The following SLC24A3 variants were observed in gnomAD, a reference collection of about 807,000 sequenced individuals.
SLC24A3 encodes the protein solute carrier family 24 member 3, also known as sodium/potassium/calcium exchanger 3.
Under a neutral mutation model 75.8 loss-of-function variants are expected in SLC24A3, and 28 were observed. The observed-to-expected ratio is 0.37, with a 90% CI of 0.27 to 0.51. The LOEUF (loss-of-function observed/expected upper bound fraction) is 0.51, where lower values mean the gene tolerates loss of function less well. Among genes scored for constraint, SLC24A3 ranks in the 20% least tolerant of loss-of-function variants. SLC24A3 has a pLI of 0.94. For synonymous variants in SLC24A3, 372 were observed against 334.1 expected (o/e 1.11, Z -1.24); for missense variants, 663 against 847.8 (o/e 0.78, Z 2.71).
intron 2 of SLC24A3, among the ~76,000 whole-genome samples, chr20:19,369,393 G>T (rs183942553): frequency 1.3e-5 from 2 of 152,284 alleles, no homozygotes; most frequent in East Asian, 3.9e-4. Flanking sequence ...AATGTCAAGG[G>T]CATGAAAGAC....
At chr20:19,573,402 A>G (rs1211171378) in intron 3 of SLC24A3, among the ~76,000 whole-genome samples, 1 of 152,228 alleles carries the variant, frequency 6.6e-6, no homozygotes, top group East Asian at 1.9e-4. Context: ...ATTATTTCTC[A>G]GAATCCTGGG....
chr20:19,471,113 G>A (rs747950480), intron 2 of SLC24A3, among the ~76,000 whole-genome samples: 21 of 152,140 alleles, frequency 1.4e-4, no homozygotes, highest in Non-Finnish European at 2.5e-4. Flanking sequence ...GTATTTTGAC[G>A]TTTTGGGGTA....
intron 15 of SLC24A3, among the ~76,000 whole-genome samples, chr20:19,716,881 A>C (rs1482810764): frequency 6.6e-6 from 1 of 152,164 alleles, no homozygotes; most frequent in African/African-American, 2.4e-5. Context: ...CTCAAAAAAA[A>C]AGAAGGAACT....
chr20:19,296,106 G>A (rs1984053550), intron 2 of SLC24A3, among the ~76,000 whole-genome samples: 1 of 151,966 alleles, frequency 6.6e-6, no homozygotes, highest in South Asian at 2.1e-4. Flanking sequence ...GTGTCCAACA[G>A]TTTATCCTTT....
chr20:19,672,374 G>A (rs139137403), intron 8 of SLC24A3, among the ~76,000 whole-genome samples: 127 of 152,102 alleles, frequency 8.3e-4, no homozygotes, highest in African/African-American at 2.8e-3. Context: ...TTACTGTGTC[G>A]CCCAGGCTGT....
At chr20:19,406,415 T>C (rs1986647704) in intron 2 of SLC24A3, among the ~76,000 whole-genome samples, 1 of 152,188 alleles carries the variant, frequency 6.6e-6, no homozygotes, top group South Asian at 2.1e-4. Flanking sequence ...ATTTTCTGAC[T>C]CTCTTTTCTT....
intron 2 of SLC24A3, among the ~76,000 whole-genome samples, chr20:19,392,967 C>T (rs1340112577): frequency 6.6e-6 from 1 of 152,086 alleles, no homozygotes; most frequent in Non-Finnish European, 1.5e-5. Context: ...ATGGCCAGAA[C>T]AAAAATATAC....
chr20:19,442,184 T>C (rs1427251859), intron 2 of SLC24A3, among the ~76,000 whole-genome samples: 1 of 152,200 alleles, frequency 6.6e-6, no homozygotes, highest in Non-Finnish European at 1.5e-5. Flanking sequence ...TAGGCTGTTG[T>C]GTGGATATAA....
rs148629363 is a variant in SLC24A3, at chr20:19,699,374, C to T, written c.1719+694C>T. On this transcript the variant is annotated intron_variant, in intron 15 of 16. Coordinates refer to ENST00000328041, the MANE Select transcript of SLC24A3 (RefSeq NM_020689.4). ...TAACTCTTCTAAGTTCTGCAGCCCACAGGGTGAGACTTTTGCAGTCAGGCT... is the reference window on the plus strand; with the variant it reads ...TAACTCTTCTAAGTTCTGCAGCCCATAGGGTGAGACTTTTGCAGTCAGGCT... 7.9e-5 allele frequency among the ~76,000 whole-genome samples: 12 copies of T among 152,330 alleles called. No individual in the cohort carries two copies. In the East Asian group the frequency reaches 2.3e-3, roughly 29 times the overall value.
At chr20:19,466,025 G>T (rs1174667852) in intron 2 of SLC24A3, among the ~76,000 whole-genome samples, 1 of 152,134 alleles carries the variant, frequency 6.6e-6, no homozygotes, top group East Asian at 1.9e-4. Flanking sequence ...TTTTGTATTT[G>T]ATTTCCTTGT....
intron 2 of SLC24A3, among the ~76,000 whole-genome samples, chr20:19,384,864 A>G (rs1986245654): frequency 6.6e-6 from 1 of 152,144 alleles, no homozygotes; most frequent in South Asian, 2.1e-4. Flanking sequence ...CTTTTTGTGA[A>G]TAATCATCCT....
At chr20:19,521,220 G>A (rs1440026906) in intron 3 of SLC24A3, among the ~76,000 whole-genome samples, 1 of 152,126 alleles carries the variant, frequency 6.6e-6, no homozygotes, top group Non-Finnish European at 1.5e-5. Context: ...TCTAGCTGTT[G>A]TCATCTTTTG....
chr20:19,721,414 CTG>C lies in SLC24A3; in HGVS notation c.*275_*276del. ...TTCCAGCTCCATTTTTGAACAGTGA[CTG>C]AGATTCTAGAAAAACTGGCTGCTAA... On this transcript the variant is annotated 3_prime_UTR_variant, in exon 17 of 17. Transcript: ENST00000328041. 1 of 372,302 alleles carries C rather than the reference CTG, an allele frequency of 2.7e-6. No individual in the cohort carries two copies. Among genetic ancestry groups the C allele is most frequent in the Non-Finnish European group, 4.8e-6 (1 of 207,592 alleles). 23.1% of individuals were successfully genotyped at this position (372,302 alleles called of 1,614,324 possible).
At chr20:19,578,972 C>T (rs1231856676) in intron 3 of SLC24A3, among the ~76,000 whole-genome samples, 1 of 152,132 alleles carries the variant, frequency 6.6e-6, no homozygotes, top group Non-Finnish European at 1.5e-5. Flanking sequence ...CAGCAAGCAA[C>T]AGAGGGTGAG....
intron 2 of SLC24A3, among the ~76,000 whole-genome samples, chr20:19,302,170 C>G (rs1202335452): frequency 6.6e-6 from 1 of 152,218 alleles, no homozygotes; most frequent in Non-Finnish European, 1.5e-5. Flanking sequence ...AGGGAAGACT[C>G]TCAAGCTGGT....
At chr20:19,414,072 C>G (rs571537911) in intron 2 of SLC24A3, among the ~76,000 whole-genome samples, 3 of 152,244 alleles carry the variant, frequency 2.0e-5, no homozygotes, top group Admixed American at 6.5e-5. Flanking sequence ...AATGTCCAGC[C>G]CTCCTTGGTT....
chr20:19,584,917 C>T (rs1054701921), intron 4 of SLC24A3, 54 bp from the exon 5 acceptor site: 256 of 1,543,040 alleles, frequency 1.7e-4, no homozygotes, highest in Non-Finnish European at 2.1e-4. Flanking sequence ...ACAGTCACCT[C>T]TCTTCCGAGA....
At chr20:19,710,055 G>A (rs2032972477) in intron 15 of SLC24A3, among the ~76,000 whole-genome samples, 1 of 152,164 alleles carries the variant, frequency 6.6e-6, no homozygotes, top group East Asian at 1.9e-4. Flanking sequence ...AGCCACAGCT[G>A]GGAACATCCA....
intron 2 of SLC24A3, among the ~76,000 whole-genome samples, chr20:19,495,955 G>T (rs904716474): frequency 6.6e-5 from 10 of 152,042 alleles, no homozygotes; most frequent in African/African-American, 2.4e-4. Flanking sequence ...CTGAGTTTCC[G>T]GCAAAAACAA....
Sources: gnomAD v4.1 joint callset for allele counts (sites outside exome capture counted in the v4.1 genomes callset) on GRCh38, gnomAD v4.1.1 for gene constraint, MANE v1.5 for transcripts, NCBI Gene and HGNC (gene_info 2026-07-23, HGNC 2026-07-21) for gene names.